The following WASHC3 variants were observed in gnomAD, a reference collection of about 807,000 sequenced individuals.
The protein encoded by WASHC3 is WASH complex subunit 3, also known as WASH complex subunit CCDC53.
In WASHC3, 24 loss-of-function variants were observed where a neutral mutation model predicts 26.1. The observed-to-expected ratio is 0.92, with a 90% CI of 0.66 to 1.29. WASHC3 has a LOEUF of 1.29. Among genes scored for constraint, WASHC3 ranks in the 50% most tolerant of loss-of-function variants. The pLI is 0.00. For missense variants in WASHC3, 214 were observed against 229.6 expected (o/e 0.93, Z 0.44); for synonymous variants, 77 against 75.7 (o/e 1.02, Z -0.09).
intron 2 of WASHC3, among the ~76,000 whole-genome samples, chr12:102,060,308 T>G (rs1878751135): frequency 6.6e-6 from 1 of 152,206 alleles, no homozygotes; most frequent in South Asian, 2.1e-4. Context: ...TAATCCTCTT[T>G]TTTAAAACAA....
intron 5 of WASHC3, among the ~76,000 whole-genome samples, chr12:102,036,322 C>G (rs1035846930): frequency 1.3e-5 from 2 of 148,884 alleles, no homozygotes; most frequent in African/African-American, 2.5e-5. Flanking sequence ...TGACTGTGCC[C>G]CTTTGCTCCA....
chr12:102,030,951 T>G (rs569609159), intron 5 of WASHC3, among the ~76,000 whole-genome samples: 9 of 152,238 alleles, frequency 5.9e-5, no homozygotes, highest in South Asian at 4.1e-4. Context: ...CAAGAAAATT[T>G]AAAAATATGC....
chr12:102,050,521 T>C (rs1222974080), intron 2 of WASHC3: 2 of 447,520 alleles, frequency 4.5e-6, no homozygotes, highest in Non-Finnish European at 8.9e-6. Flanking sequence ...CACATGCCTA[T>C]AGTCCAAGCT....
chr12:102,013,081 C>A lies in WASHC3; in HGVS notation c.*27G>T, dbSNP rs771315064. On this transcript the variant is annotated 3_prime_UTR_variant, in exon 7 of 7. Coordinates refer to ENST00000240079, the MANE Select transcript of WASHC3 (RefSeq NM_016053.4). ...GAATGTAAATGTACCCCTATGCATG[C>A]ATATGTAATTCTTATCAAAATTAAG... The A allele has an allele frequency of 1.4e-5, 14 of 982,950 alleles. No individual in the cohort carries two copies. The highest frequency in any genetic ancestry group is 1.9e-5 in the Non-Finnish European group (12 of 635,584). The allele number at this position is 982,950 out of a possible 1,614,324, so 60.9% of individuals were successfully genotyped here.
At chr12:102,056,908 T>C (rs1878615063) in intron 2 of WASHC3, among the ~76,000 whole-genome samples, 1 of 152,104 alleles carries the variant, frequency 6.6e-6, no homozygotes, top group African/African-American at 2.4e-5. Context: ...ACTTTCGAAC[T>C]CAATTTAGGA....
chr12:102,025,616 C>T (rs752729277), intron 6 of WASHC3, among the ~76,000 whole-genome samples: 1 of 138,970 alleles, frequency 7.2e-6, no homozygotes, highest in African/African-American at 2.7e-5. Flanking sequence ...ATCACCCCCC[C>T]ACCAAAAAAG....
At chr12:102,035,897 G>A (rs1223774551) in intron 5 of WASHC3, among the ~76,000 whole-genome samples, 1 of 152,164 alleles carries the variant, frequency 6.6e-6, no homozygotes, top group Admixed American at 6.5e-5. Flanking sequence ...CTAGCTTTAC[G>A]TGTGTTGGTG....
intron 6 of WASHC3, among the ~76,000 whole-genome samples, chr12:102,020,819 C>A (rs1876923846): frequency 6.6e-6 from 1 of 152,166 alleles, no homozygotes; most frequent in African/African-American, 2.4e-5. Flanking sequence ...TGGTGGCTCA[C>A]ACCTGTAATC....
intron 2 of WASHC3, among the ~76,000 whole-genome samples, chr12:102,057,921 T>C (rs1194960530): frequency 1.3e-5 from 2 of 151,876 alleles, no homozygotes; most frequent in African/African-American, 2.4e-5. Context: ...CTAAAATTCA[T>C]ACTGAACCAC....
chr12:102,041,372 T>TTGAA (rs1191684523), intron 4 of WASHC3, among the ~76,000 whole-genome samples: 8 of 152,158 alleles, frequency 5.3e-5, no homozygotes, highest in Admixed American at 1.3e-4. Flanking sequence ...CCTTTGCTAT[T>TTGAA]TGAATGACCC....
At chr12:102,014,379 G>C (rs935237345) in intron 6 of WASHC3, among the ~76,000 whole-genome samples, 1 of 152,010 alleles carries the variant, frequency 6.6e-6, no homozygotes, top group Non-Finnish European at 1.5e-5. Flanking sequence ...TATAACTGCT[G>C]TATCTTAATA....
At chr12:102,029,789 T>A (rs1877354841) in intron 5 of WASHC3, among the ~76,000 whole-genome samples, 1 of 152,168 alleles carries the variant, frequency 6.6e-6, no homozygotes, top group Non-Finnish European at 1.5e-5. Flanking sequence ...CTTCCCTACC[T>A]AAGGCAACAA....
At chr12:102,034,582 G>A (rs1877571959) in intron 5 of WASHC3, among the ~76,000 whole-genome samples, 1 of 152,144 alleles carries the variant, frequency 6.6e-6, no homozygotes, top group Non-Finnish European at 1.5e-5. Flanking sequence ...AGAACCAAAA[G>A]ATTATGTTGA....
chr12:102,048,473 G>A (rs928171176), intron 2 of WASHC3: 1 of 152,150 alleles, frequency 6.6e-6, no homozygotes, highest in African/African-American at 2.4e-5. Context: ...GCTGAGGCAG[G>A]AGAATCGCTT....
At chr12:102,029,625 GA>G (rs1249695941) in intron 5 of WASHC3, among the ~76,000 whole-genome samples, 2 of 152,114 alleles carry the variant, frequency 1.3e-5, no homozygotes, top group Non-Finnish European at 2.9e-5. Flanking sequence ...TTAGAAGGGG[GA>G]AAAACAACTT....
intron 6 of WASHC3, chr12:102,017,656 C>G: frequency 3.0e-6 from 1 of 337,528 alleles, no homozygotes; most frequent in Non-Finnish European, 5.7e-6. Context: ...GGTGGAAACT[C>G]TCTTTAACCT....
intron 2 of WASHC3, among the ~76,000 whole-genome samples, chr12:102,058,420 T>C (rs1878675249): frequency 6.6e-6 from 1 of 152,122 alleles, no homozygotes; most frequent in Non-Finnish European, 1.5e-5. Context: ...TAAATGGGAT[T>C]ACATCACACT....
chr12:102,049,320 A>G (rs955634042), intron 2 of WASHC3, among the ~76,000 whole-genome samples: 2 of 152,276 alleles, frequency 1.3e-5, no homozygotes, highest in Admixed American at 6.5e-5. Context: ...TGGATATAAC[A>G]TAAGTAACAT....
At chr12:102,036,856 T>C (rs1877685383) in intron 5 of WASHC3, among the ~76,000 whole-genome samples, 1 of 152,122 alleles carries the variant, frequency 6.6e-6, no homozygotes, top group Non-Finnish European at 1.5e-5. Context: ...CCCCTAATCA[T>C]ACTCAGTGAC....
Sources: allele counts gnomAD v4.1 joint callset (sites outside exome capture counted in the v4.1 genomes callset), GRCh38; gene constraint gnomAD v4.1.1; transcripts MANE v1.5; gene names NCBI Gene and HGNC (gene_info 2026-07-23, HGNC 2026-07-21).